Variants in AGBL4 observed in about 807,000 individuals in gnomAD.
AGBL4 encodes AGBL carboxypeptidase 4, also known as cytosolic carboxypeptidase 6.
AGBL4 carries 58 observed loss-of-function variants against 66.4 expected under a neutral mutation model. The ratio of observed to expected loss-of-function variants is 0.87; its 90% CI spans 0.71 to 1.09. The LOEUF is 1.09. Among genes scored for constraint, AGBL4 ranks in the 50% least tolerant of loss-of-function variants. The probability of loss-of-function intolerance (pLI) is 0.00; values close to 1 mark genes in which losing one functional copy is unlikely to be tolerated. For missense variants in AGBL4, 579 were observed against 631.0 expected, an observed-to-expected ratio of 0.92 and a Z score of 0.88; for synonymous variants, 234 against 222.9, an observed-to-expected ratio of 1.05 and a Z score of -0.44.
At chr1:49,157,155 T>C (rs1400288588) in intron 4 of AGBL4, among the ~76,000 whole-genome samples, 2 of 152,142 alleles carry the variant, frequency 1.3e-5, no homozygotes, top group East Asian at 3.9e-4. Flanking sequence ...TGCACAGGTA[T>C]ACACGTGCCA....
At chr1:49,538,456 C>T (rs1651770768) in intron 3 of AGBL4, among the ~76,000 whole-genome samples, 1 of 152,016 alleles carries the variant, frequency 6.6e-6, no homozygotes, top group Non-Finnish European at 1.5e-5. Context: ...GTGACGGATA[C>T]AATAAAAGCC....
At chr1:49,983,046 T>G (rs986299355) in intron 1 of AGBL4, among the ~76,000 whole-genome samples, 5 of 152,190 alleles carry the variant, frequency 3.3e-5, no homozygotes, top group Non-Finnish European at 5.9e-5. Flanking sequence ...CTTTGCCTTG[T>G]TTACCCTCCA....
At position 48,948,159 on chromosome 1, in the gene AGBL4, G is replaced by T. The variant is rs1656681215; in HGVS notation, c.595-80929C>A. Among the ~76,000 whole-genome samples the T allele has an allele frequency of 2.0e-5, 3 of 152,270 alleles. No individual in the cohort carries two copies. The South Asian group carries it at 6.2e-4, about 32-fold the overall frequency. The stretch of plus-strand genomic sequence containing the variant: ...AAATGTACAAAGGGATACCTAGAAA[G>T]GGCAAAAGACTTGTTTAAGGCACAC... On this transcript the variant is annotated intron_variant, in intron 5 of 13. Transcript: ENST00000371839.
intron 5 of AGBL4, among the ~76,000 whole-genome samples, chr1:48,904,474 C>T (rs1652395959): frequency 6.6e-6 from 1 of 152,092 alleles, no homozygotes; most frequent in African/African-American, 2.4e-5. Context: ...CAGTTTAAGA[C>T]AAGTTTCTGA....
intron 3 of AGBL4, among the ~76,000 whole-genome samples, chr1:49,411,386 T>A (rs1419187988): frequency 6.6e-6 from 1 of 152,160 alleles, no homozygotes; most frequent in Non-Finnish European, 1.5e-5. Context: ...ACACTGAGGG[T>A]AGGTCTTCCT....
At chr1:49,300,860 C>G (rs555841952) in intron 3 of AGBL4, among the ~76,000 whole-genome samples, 2 of 152,280 alleles carry the variant, frequency 1.3e-5, no homozygotes, top group African/African-American at 4.8e-5. Context: ...CTCATAACTT[C>G]ACTTTGGTAT....
chr1:49,790,301 T>C (rs1221342066), intron 2 of AGBL4, among the ~76,000 whole-genome samples: 1 of 148,838 alleles, frequency 6.7e-6, no homozygotes, highest in Admixed American at 6.7e-5. Flanking sequence ...GAGGTGGAGG[T>C]TGCAGTGAGC....
At chr1:48,719,348 C>T (rs77241044) in intron 6 of AGBL4, among the ~76,000 whole-genome samples, 2,200 of 151,970 alleles carry the variant, frequency 0.014, 66 homozygotes, top group African/African-American at 0.05. Flanking sequence ...AGTCAGGTTC[C>T]CACCTGGCAG....
intron 9 of AGBL4, among the ~76,000 whole-genome samples, chr1:48,624,144 C>T (rs534893398): frequency 6.6e-6 from 1 of 152,244 alleles, no homozygotes; most frequent in South Asian, 2.1e-4. Flanking sequence ...CCAGAATTTC[C>T]AAATTTGTGA....
intron 2 of AGBL4, among the ~76,000 whole-genome samples, chr1:49,740,215 C>G (rs113178468): frequency 6.6e-6 from 1 of 151,860 alleles, no homozygotes; most frequent in South Asian, 2.1e-4. Flanking sequence ...ATCTACCAAG[C>G]AAATGGAAAA....
At chr1:49,992,745 C>T (rs1242346082) in intron 1 of AGBL4, among the ~76,000 whole-genome samples, 1 of 152,146 alleles carries the variant, frequency 6.6e-6, no homozygotes, top group East Asian at 1.9e-4. Flanking sequence ...CATCCAATTG[C>T]TCTGCCAGGC....
At chr1:49,330,671 T>C (rs1439621110) in intron 3 of AGBL4, among the ~76,000 whole-genome samples, 1 of 152,204 alleles carries the variant, frequency 6.6e-6, no homozygotes, top group Non-Finnish European at 1.5e-5. Flanking sequence ...TCTTGCCTTT[T>C]CCTTTTAGAA....
At chr1:49,685,141 T>C (rs1283935588) in intron 3 of AGBL4, among the ~76,000 whole-genome samples, 1 of 152,210 alleles carries the variant, frequency 6.6e-6, no homozygotes, top group African/African-American at 2.4e-5. Context: ...CTCCCAATTA[T>C]AAGTGAGAAC....
At chr1:49,251,434 G>T (rs561643769) in intron 3 of AGBL4, among the ~76,000 whole-genome samples, 4 of 152,038 alleles carry the variant, frequency 2.6e-5, no homozygotes, top group Non-Finnish European at 5.9e-5. Flanking sequence ...CCCTGCCAGT[G>T]CCCCACCCTT....
intron 6 of AGBL4, among the ~76,000 whole-genome samples, chr1:48,692,972 G>A (rs2148494898): frequency 6.6e-6 from 1 of 152,298 alleles, no homozygotes; most frequent in African/African-American, 2.4e-5. Flanking sequence ...ACCCTATCCA[G>A]GAAGAGTAAG....
At chr1:49,264,535 G>A (rs945159487) in intron 3 of AGBL4, among the ~76,000 whole-genome samples, 3 of 151,642 alleles carry the variant, frequency 2.0e-5, no homozygotes, top group African/African-American at 7.3e-5. Context: ...TTATCCTAAT[G>A]ACAGCCTCCC....
chr1:49,557,250 T>C (rs1023628186), intron 3 of AGBL4, among the ~76,000 whole-genome samples: 1 of 152,138 alleles, frequency 6.6e-6, no homozygotes, highest in African/African-American at 2.4e-5. Context: ...GCTGCTAGCA[T>C]GTTGTCACCT....
At chr1:48,847,329 G>A (rs1646942468) in intron 6 of AGBL4, among the ~76,000 whole-genome samples, 1 of 145,192 alleles carries the variant, frequency 6.9e-6, no homozygotes, top group Non-Finnish European at 1.5e-5. Context: ...TACTCTACCA[G>A]AAACTTCTCC....
At chr1:49,389,088 T>C (rs1644795751) in intron 3 of AGBL4, among the ~76,000 whole-genome samples, 1 of 152,138 alleles carries the variant, frequency 6.6e-6, no homozygotes, top group African/African-American at 2.4e-5. Context: ...ACAAGGTAAC[T>C]AGAATTGGCT....
Sources: gnomAD v4.1 joint callset for allele counts (sites outside exome capture counted in the v4.1 genomes callset) on GRCh38, gnomAD v4.1.1 for gene constraint, MANE v1.5 for transcripts, NCBI Gene and HGNC (gene_info 2026-07-23, HGNC 2026-07-21) for gene names.